Variants in MKLN1 observed in about 807,000 individuals in gnomAD.
MKLN1 encodes muskelin.
In MKLN1, 18 loss-of-function variants were observed where a neutral mutation model predicts 99.0. That is an observed-to-expected ratio of 0.18 (90% CI 0.13 to 0.27). MKLN1 has a LOEUF of 0.27. Ranked by LOEUF, MKLN1 falls within the 10% of genes least tolerant of loss-of-function variation. The pLI, the probability that MKLN1 is intolerant of heterozygous loss-of-function variation, is 1.00. For synonymous variants in MKLN1, 288 were observed against 293.2 expected, an observed-to-expected ratio of 0.98 and a Z score of 0.18; for missense variants, 621 against 875.9, an observed-to-expected ratio of 0.71 and a Z score of 3.67.
chr7:131,233,062 G>A (rs954050124), intron 3 of MKLN1, among the ~76,000 whole-genome samples: 2 of 151,992 alleles, frequency 1.3e-5, no homozygotes, highest in African/African-American at 2.4e-5. Flanking sequence ...AGTTTAGACC[G>A]GGCATGGTGG....
intron 16 of MKLN1, among the ~76,000 whole-genome samples, chr7:131,473,721 A>G (rs1055612637): frequency 2.0e-5 from 3 of 152,186 alleles, no homozygotes; most frequent in African/African-American, 4.8e-5. Context: ...TCGATTCCCC[A>G]TAATAGGTCA....
chr7:131,123,548 C>T (rs1795408019), intron 1 of MKLN1, among the ~76,000 whole-genome samples: 1 of 152,120 alleles, frequency 6.6e-6, no homozygotes, highest in Non-Finnish European at 1.5e-5. Flanking sequence ...GGTGTGGTGG[C>T]CTGTGACGAG....
chr7:131,376,328 C>T (rs1207476411), intron 2 of MKLN1, among the ~76,000 whole-genome samples: 7 of 139,764 alleles, frequency 5.0e-5, no homozygotes, highest in Admixed American at 1.5e-4. Context: ...AACACAGAAA[C>T]CTTTGATCTA....
intron 3 of MKLN1, among the ~76,000 whole-genome samples, chr7:131,269,327 T>G (rs1797851919): frequency 6.6e-6 from 1 of 152,202 alleles, no homozygotes; most frequent in African/African-American, 2.4e-5. Context: ...ATCAGCAGAT[T>G]TGACATCTGG....
At chr7:131,388,108 A>G (rs1053344803) in intron 3 of MKLN1, among the ~76,000 whole-genome samples, 3 of 152,218 alleles carry the variant, frequency 2.0e-5, no homozygotes, top group Non-Finnish European at 4.4e-5. Flanking sequence ...CAGAGGTTGC[A>G]GTGAGCCAAG....
chr7:131,256,264 A>G (rs1170301103), intron 3 of MKLN1, among the ~76,000 whole-genome samples: 3 of 152,206 alleles, frequency 2.0e-5, no homozygotes, highest in Non-Finnish European at 4.4e-5. Context: ...AAAGAAAGGC[A>G]TTCCAAGATA....
chr7:131,279,238 G>A (rs1289976178), intron 3 of MKLN1, among the ~76,000 whole-genome samples: 1 of 152,120 alleles, frequency 6.6e-6, no homozygotes, highest in East Asian at 1.9e-4. Flanking sequence ...ACTAAAATAG[G>A]GTAATTGACA....
At chr7:131,322,603 G>A (rs535442596) in intron 3 of MKLN1, among the ~76,000 whole-genome samples, 7 of 124,740 alleles carry the variant, frequency 5.6e-5, no homozygotes, top group African/African-American at 2.1e-4. Flanking sequence ...TCGCTCTGTC[G>A]CCCAGGCCGG....
At chr7:131,195,964 C>A (rs1469735673) in intron 2 of MKLN1, among the ~76,000 whole-genome samples, 1 of 152,070 alleles carries the variant, frequency 6.6e-6, no homozygotes, top group Non-Finnish European at 1.5e-5. Flanking sequence ...ACAACAACAA[C>A]AACAAAAACC....
chr7:131,373,150 A>G (rs1182433173), intron 1 of MKLN1, among the ~76,000 whole-genome samples: 3 of 152,056 alleles, frequency 2.0e-5, no homozygotes, highest in Admixed American at 2.0e-4. Flanking sequence ...TTGCATTCCT[A>G]TCAGCAAAAT....
At chr7:131,476,573 CTGTT>C (rs1028668414) in intron 16 of MKLN1, among the ~76,000 whole-genome samples, 4 of 152,032 alleles carry the variant, frequency 2.6e-5, no homozygotes, top group Non-Finnish European at 5.9e-5. Flanking sequence ...TAGAATGAGT[CTGTT>C]GTAAGAAATT....
rs1191131472 is a variant in MKLN1 at position 131,173,974 on chromosome 7, CT to C, written c.-296-28867del. Among the ~76,000 whole-genome samples the C allele has an allele frequency of 1.2e-3, 157 of 129,674 alleles. No homozygotes were observed. In the East Asian group the frequency reaches 0.015, roughly 13 times the overall value. 85.1% of individuals were successfully genotyped at this position (129,674 alleles called of 152,430 possible). A position where few individuals can be genotyped will look rare whatever the true frequency, so the allele number is the denominator to read the frequency against. On this transcript the variant is annotated intron_variant, in intron 2 of 7. Coordinates refer to the MKLN1 transcript ENST00000416992. ...AGAGTTTAAAGACCTTTTTCTTTTT[CT>C]TTTTTTTTTTTTTTTGAGACGGGAG...
intron 8 of MKLN1, among the ~76,000 whole-genome samples, chr7:131,421,807 C>G (rs777923658): frequency 1.6e-4 from 24 of 152,042 alleles, no homozygotes; most frequent in Non-Finnish European, 3.1e-4. Flanking sequence ...ACTTGAAAAG[C>G]AGTGTTGAGG....
At chr7:131,282,909 T>C (rs146298040) in intron 3 of MKLN1, among the ~76,000 whole-genome samples, 1 of 152,272 alleles carries the variant, frequency 6.6e-6, no homozygotes, top group East Asian at 1.9e-4. Context: ...GATATGACTA[T>C]AGTCATGATT....
chr7:131,249,171 T>C (rs1797540049), intron 3 of MKLN1, among the ~76,000 whole-genome samples: 1 of 152,176 alleles, frequency 6.6e-6, no homozygotes, highest in Non-Finnish European at 1.5e-5. Context: ...ATCTCAGCTC[T>C]TAGGAATGGC....
At position 131,487,034 on chromosome 7, in the gene MKLN1, G is replaced by C. The variant is rs900655768; in HGVS notation, c.2087-573G>C. Among the ~76,000 whole-genome samples, 2 of 152,082 alleles carry C rather than the reference G, an allele frequency of 1.3e-5. No individual in the cohort carries two copies. The highest frequency in any genetic ancestry group is 4.8e-5 in the African/African-American group (2 of 41,424). On this transcript the variant is annotated intron_variant, in intron 17 of 17. Coordinates refer to ENST00000352689, the MANE Select transcript of MKLN1 (RefSeq NM_013255.5). This position sits in a 1 kb window ranked among gnomAD's most constrained non-coding sequence, Gnocchi z 4.7. Reference sequence around the variant, plus strand: ...ATGTGCAGATACCATTCTGCATATTGTACATGTATCTCCCTCAGTCGTCTC... The same window carrying C: ...ATGTGCAGATACCATTCTGCATATTCTACATGTATCTCCCTCAGTCGTCTC...
At chr7:131,397,399 G>GAT (rs761718097) in intron 5 of MKLN1, 23 bp downstream of exon 5, 3 of 1,256,636 alleles carry the variant, frequency 2.4e-6, no homozygotes, top group Non-Finnish European at 3.4e-6. Flanking sequence ...TTTAAATCCT[G>GAT]ACTTTAATGC....
intron 3 of MKLN1, among the ~76,000 whole-genome samples, chr7:131,225,775 C>T (rs1391985689): frequency 2.0e-5 from 3 of 152,214 alleles, no homozygotes; most frequent in African/African-American, 7.2e-5. Context: ...GAGGCTTGGC[C>T]TTCGAGGAAG....
At chr7:131,306,927 C>A (rs568582412) in intron 3 of MKLN1, among the ~76,000 whole-genome samples, 1 of 152,186 alleles carries the variant, frequency 6.6e-6, no homozygotes, top group African/African-American at 2.4e-5. Flanking sequence ...TTCATGGCAG[C>A]CCCTCCCATC....
Sources: allele counts gnomAD v4.1 joint callset (sites outside exome capture counted in the v4.1 genomes callset), GRCh38; gene constraint gnomAD v4.1.1; non-coding constraint Gnocchi (gnomAD v3.1); transcripts MANE v1.5; gene names NCBI Gene and HGNC (gene_info 2026-07-23, HGNC 2026-07-21).